The following CNTN4 variants were observed in gnomAD, a reference collection of about 807,000 sequenced individuals.
CNTN4 encodes the protein contactin 4.
CNTN4 carries 77 observed loss-of-function variants against 122.5 expected under a neutral mutation model. The observed-to-expected ratio is 0.63, with a 90% confidence interval of 0.52 to 0.76. The LOEUF is 0.76. CNTN4 is among the 30% of genes least tolerant of loss of function. The pLI is 0.00. For missense variants in CNTN4, 1,256 were observed against 1,259.1 expected, an observed-to-expected ratio of 1.00 and a Z score of 0.04; for synonymous variants, 512 against 447.0, an observed-to-expected ratio of 1.15 and a Z score of -1.83.
At chr3:2,440,312 A>T (rs2048389824) in intron 3 of CNTN4, among the ~76,000 whole-genome samples, 1 of 152,208 alleles carries the variant, frequency 6.6e-6, no homozygotes. Context: ...GAGCTGATGG[A>T]TTAAGTCACA....
In CNTN4 at chr3:2,544,166, A is replaced by T. The variant is rs577373501; in HGVS notation, c.-88-27250A>T. ...AATCTTTCTCAGACCCCACGTGCCA[A>T]TATTCATGATTGTCCCATGACAGCG... is the stretch of plus-strand genomic sequence containing the variant. On this transcript the variant is annotated intron_variant, in intron 3 of 24. Transcript: ENST00000418658. Among the ~76,000 whole-genome samples, 6 of 152,276 alleles carry T rather than the reference A, an allele frequency of 3.9e-5. No individual in the cohort carries two copies. The East Asian group carries it at 1.2e-3, about 29-fold the overall frequency.
chr3:2,991,229 G>A (rs1695024175), intron 14 of CNTN4, among the ~76,000 whole-genome samples: 1 of 152,078 alleles, frequency 6.6e-6, no homozygotes, highest in African/African-American at 2.4e-5. Context: ...GTGAGAGAAC[G>A]AGGAGGGACT....
At chr3:2,801,740 T>A (rs2092352750) in intron 6 of CNTN4, among the ~76,000 whole-genome samples, 1 of 151,082 alleles carries the variant, frequency 6.6e-6, no homozygotes, top group Non-Finnish European at 1.5e-5. Context: ...GAGATGTTGT[T>A]TTTGCCCTCA....
At chr3:2,792,957 G>A (rs1393925927) in intron 6 of CNTN4, among the ~76,000 whole-genome samples, 3 of 152,162 alleles carry the variant, frequency 2.0e-5, no homozygotes, top group East Asian at 3.9e-4. Flanking sequence ...AAAAGATAGG[G>A]ACATCTCTGT....
chr3:2,415,233 C>G (rs2151065499), intron 3 of CNTN4, among the ~76,000 whole-genome samples: 1 of 152,286 alleles, frequency 6.6e-6, no homozygotes, highest in East Asian at 1.9e-4. Flanking sequence ...TCGCTTTAGC[C>G]TTCTCAGCAT....
At chr3:2,579,480 C>A (rs2079840074) in intron 4 of CNTN4, among the ~76,000 whole-genome samples, 1 of 152,098 alleles carries the variant, frequency 6.6e-6, no homozygotes, top group Non-Finnish European at 1.5e-5. Flanking sequence ...ATAGATAGGT[C>A]TGCCACTTAT....
intron 4 of CNTN4, among the ~76,000 whole-genome samples, chr3:2,693,293 T>C (rs1251404809): frequency 2.6e-5 from 4 of 152,202 alleles, no homozygotes; most frequent in African/African-American, 7.2e-5. Flanking sequence ...TCCCCAGATA[T>C]ATCAAGATAT....
intron 3 of CNTN4, among the ~76,000 whole-genome samples, chr3:2,367,705 G>A (rs182977600): frequency 5.9e-4 from 90 of 152,158 alleles, no homozygotes; most frequent in Non-Finnish European, 7.5e-4. Flanking sequence ...GGCTGGTCTC[G>A]AACTCCTGAC....
chr3:2,446,854 A>G (rs982856091), intron 3 of CNTN4, among the ~76,000 whole-genome samples: 2 of 152,212 alleles, frequency 1.3e-5, no homozygotes, highest in Non-Finnish European at 2.9e-5. Flanking sequence ...GAGAAAGCCA[A>G]GTTAAATCCA....
chr3:2,965,366 A>T (rs912492333), intron 13 of CNTN4, among the ~76,000 whole-genome samples: 2 of 152,190 alleles, frequency 1.3e-5, no homozygotes, highest in Non-Finnish European at 2.9e-5. Flanking sequence ...GTCTAGAAGC[A>T]CTTTCTCTGG....
chr3:2,117,237 C>T (rs2125172439), intron 2 of CNTN4, among the ~76,000 whole-genome samples: 1 of 152,308 alleles, frequency 6.6e-6, no homozygotes, highest in East Asian at 1.9e-4. Flanking sequence ...GCTAGAGCTT[C>T]TCACAGAGCT....
chr3:2,899,027 G>T (rs933111269), intron 10 of CNTN4, among the ~76,000 whole-genome samples: 2 of 152,138 alleles, frequency 1.3e-5, no homozygotes, highest in African/African-American at 4.8e-5. Flanking sequence ...AAATTTTTTT[G>T]AAGTTGACCC....
chr3:2,594,177 T>C (rs190483812), intron 4 of CNTN4, among the ~76,000 whole-genome samples: 1 of 152,254 alleles, frequency 6.6e-6, no homozygotes, highest in East Asian at 1.9e-4. Flanking sequence ...TGGCATTTGA[T>C]TGGAGAGCTA....
At chr3:2,506,090 G>A (rs968876451) in intron 3 of CNTN4, among the ~76,000 whole-genome samples, 5 of 151,754 alleles carry the variant, frequency 3.3e-5, no homozygotes, top group African/African-American at 9.7e-5. Flanking sequence ...TGTTTCTGCC[G>A]GTTTTCCTCA....
chr3:3,042,901 G>T (rs139189287), intron 21 of CNTN4, 76 bp from the exon 22 acceptor site: 12 of 1,208,736 alleles, frequency 9.9e-6, no homozygotes, highest in East Asian at 4.7e-5. Context: ...AAGAATCTGC[G>T]TACAAAATTA....
rs17009096 is a variant in CNTN4, at chr3:2,179,657, C to G, written c.-145+79018C>G. On this transcript the variant is annotated intron_variant, in intron 2 of 24. Coordinates refer to ENST00000418658, the MANE Select transcript of CNTN4 (RefSeq NM_175607.3). ...CTTTTAATATTCACTTATTTACACT[C>G]AGTGTTTTTTTTAATTTCCAGGGAC... Among the ~76,000 whole-genome samples, 431 of 151,852 alleles carry G rather than the reference C, an allele frequency of 2.8e-3. 1 individual carries two copies. The highest frequency in any genetic ancestry group is 1.0e-2 in the African/African-American group (413 of 41,454).
intron 3 of CNTN4, among the ~76,000 whole-genome samples, chr3:2,424,034 A>G (rs2047717779): frequency 6.7e-6 from 1 of 150,226 alleles, no homozygotes; most frequent in Non-Finnish European, 1.5e-5. Context: ...AATTCCTTTC[A>G]AAATTCTCAT....
intron 10 of CNTN4, among the ~76,000 whole-genome samples, chr3:2,895,806 G>A (rs1051032855): frequency 5.3e-5 from 8 of 152,152 alleles, no homozygotes; most frequent in East Asian, 1.9e-4. Flanking sequence ...AGGCCGAGGC[G>A]GGCGGATCAC....
chr3:2,829,236 A>T (rs1385699667), intron 7 of CNTN4, among the ~76,000 whole-genome samples: 1 of 152,176 alleles, frequency 6.6e-6, no homozygotes, highest in Non-Finnish European at 1.5e-5. Context: ...ACAGTTTATA[A>T]GGTGATGCCT....
Sources: allele counts gnomAD v4.1 joint callset (sites outside exome capture counted in the v4.1 genomes callset), GRCh38; gene constraint gnomAD v4.1.1; transcripts MANE v1.5; gene names NCBI Gene and HGNC (gene_info 2026-07-23, HGNC 2026-07-21).